The following RFX2 variants were observed in gnomAD, a reference collection of about 807,000 sequenced individuals.
RFX2 encodes regulatory factor X2.
Under a neutral mutation model 87.8 loss-of-function variants are expected in RFX2, and 20 were observed. That is an observed-to-expected ratio of 0.23 (90% confidence interval 0.16 to 0.33). The LOEUF (loss-of-function observed/expected upper bound fraction) is 0.33. Among genes scored for constraint, RFX2 ranks in the 10% least tolerant of loss-of-function variants. The pLI is 1.00. For synonymous variants in RFX2, 397 were observed against 431.3 expected, an observed-to-expected ratio of 0.92 and a Z score of 0.98; for missense variants, 767 against 1,012.3, an observed-to-expected ratio of 0.76 and a Z score of 3.29.
chr19:6,005,945 G>A (rs1197084069), intron 12 of RFX2, among the ~76,000 whole-genome samples: 3 of 152,198 alleles, frequency 2.0e-5, no homozygotes, highest in East Asian at 3.9e-4. Context: ...CCCGCACAGT[G>A]ACGGCTCCAG....
intron 1 of RFX2, among the ~76,000 whole-genome samples, chr19:6,070,422 G>T (rs2087590251): frequency 6.6e-6 from 1 of 152,014 alleles, no homozygotes; most frequent in South Asian, 2.1e-4. Flanking sequence ...TTCATCCATG[G>T]AATCCCTGTG....
Position 5,994,829 on chromosome 19 carries a change from G to C in RFX2, c.*6C>G. On this transcript the variant is annotated 3_prime_UTR_variant, in exon 18 of 18. Transcript: ENST00000303657. ...TGGAACCTCGAGGAGGCGCCGGCCG[G>C]GGCTGCTAGATGCCCTGCAGGGAGT... The C allele has an allele frequency of 6.3e-7, 1 of 1,595,684 alleles. No individual in the cohort carries two copies. Among genetic ancestry groups the C allele is most frequent in the African/African-American group, 1.3e-5 (1 of 74,754 alleles).
chr19:5,997,120 G>A lies in RFX2; in HGVS notation c.1953C>T (p.Tyr651=). ...CCTCCGCGACGCGGTGCTCCACCAGGTAGAACATGTACTCGTCGTAGAGCA... is the reference window on the plus strand; with the variant it reads ...CCTCCGCGACGCGGTGCTCCACCAGATAGAACATGTACTCGTCGTAGAGCA... ...IRLLYDEYMF[Y]LVEHRVAEAT... Residue 651 remains tyrosine (Y), a synonymous_variant, in exon 16 of 18, where the codon TAC becomes TAT. Transcript: ENST00000303657. This position sits in a 1 kb window ranked among gnomAD's most constrained non-coding sequence, Gnocchi z 4.2. The A allele has an allele frequency of 6.2e-7, 1 of 1,613,730 alleles. No individual in the cohort carries two copies. Among genetic ancestry groups the A allele is most frequent in the South Asian group, 1.1e-5 (1 of 91,090 alleles).
chr19:6,003,036 T>C (rs2086515601), intron 13 of RFX2, among the ~76,000 whole-genome samples, 166 bp from the exon 14 acceptor site: 1 of 152,098 alleles, frequency 6.6e-6, no homozygotes, highest in Admixed American at 6.5e-5. Flanking sequence ...GGACCCAGTG[T>C]GTGAGAATCA....
At chr19:6,069,801 A>G (rs1330732165) in intron 1 of RFX2, among the ~76,000 whole-genome samples, 2 of 152,222 alleles carry the variant, frequency 1.3e-5, no homozygotes, top group Non-Finnish European at 2.9e-5. Context: ...AACTGGAGAC[A>G]GGAGGACCAG....
Position 6,004,429 on chromosome 19 carries a change from C to T in RFX2, c.1403-131G>A, listed in dbSNP as rs114090653. On this transcript the variant is annotated intron_variant, in intron 12 of 17. Coordinates refer to ENST00000303657, the MANE Select transcript of RFX2 (RefSeq NM_000635.4). The surrounding 1 kb of genome is among the most constrained non-coding windows in gnomAD (Gnocchi z 4.8). ...CATGAAGAACGAGCCACACAGGCGA[C>T]GGGGAACCGAGGACACTTAGAAACG... 2,635 of 734,528 alleles carry T rather than the reference C, an allele frequency of 3.6e-3. 49 individuals are homozygous for T. In the African/African-American group the frequency reaches 0.038, roughly 11 times the overall value. 45.5% of individuals were successfully genotyped at this position (734,528 alleles called of 1,614,324 possible).
intron 5 of RFX2, among the ~76,000 whole-genome samples, chr19:6,031,849 C>T (rs1200113740): frequency 6.6e-6 from 1 of 152,056 alleles, no homozygotes; most frequent in Non-Finnish European, 1.5e-5. Flanking sequence ...GGTGGGGTCT[C>T]TCTCTGCTGC....
Position 6,012,913 on chromosome 19 carries a change from C to T in RFX2, c.899+73G>A, listed in dbSNP as rs773104309. 3.9e-5 allele frequency: 53 copies of T among 1,351,978 alleles called. No individual in the cohort carries two copies. Among genetic ancestry groups the T allele is most frequent in the South Asian group, 6.0e-5 (3 of 49,610 alleles). The allele number at this position is 1,351,978 out of a possible 1,614,324, so 83.7% of individuals were successfully genotyped here. On this transcript the variant is annotated intron_variant, in intron 8 of 17. Transcript: ENST00000303657. The surrounding 1 kb of genome is among the most constrained non-coding windows in gnomAD (Gnocchi z 4.6). Reference sequence around the variant, plus strand: ...CTGGGGAGTTATGATGAGTTTGTTTCGTGTTGGAGAAACACCCACCCCTCC... The same window carrying T: ...CTGGGGAGTTATGATGAGTTTGTTTTGTGTTGGAGAAACACCCACCCCTCC...
At chr19:6,019,267 C>G (rs1176111657) in intron 6 of RFX2, among the ~76,000 whole-genome samples, 2 of 152,182 alleles carry the variant, frequency 1.3e-5, no homozygotes, top group African/African-American at 2.4e-5. Context: ...CCTCACTTGC[C>G]TCTTTGGGAA....
At position 5,999,210 on chromosome 19, in the gene RFX2, C is replaced by T. The variant is rs764002864; in HGVS notation, c.1860-1997G>A. Among the ~76,000 whole-genome samples, 3 of 152,150 alleles carry T rather than the reference C, an allele frequency of 2.0e-5. No homozygotes were observed. Among genetic ancestry groups the T allele is most frequent in the Non-Finnish European group, 4.4e-5 (3 of 68,014 alleles). Reference sequence around the variant, plus strand: ...AGGGGAGGTTGCAGTGAGCCGAGATCGCACCATTGCACTCCAGCCTGGTGA... The same window carrying T: ...AGGGGAGGTTGCAGTGAGCCGAGATTGCACCATTGCACTCCAGCCTGGTGA... On this transcript the variant is annotated intron_variant, in intron 15 of 17. Transcript: ENST00000303657. The surrounding 1 kb of genome is among the most constrained non-coding windows in gnomAD (Gnocchi z 4.1).
chr19:6,057,867 C>T (rs773661193), intron 1 of RFX2, among the ~76,000 whole-genome samples: 36 of 152,156 alleles, frequency 2.4e-4, no homozygotes, highest in Non-Finnish European at 4.4e-4. Flanking sequence ...TTCCTTCTCC[C>T]GGCTCCCCTC....
chr19:6,097,365 C>T (rs1252873662), intron 1 of RFX2, among the ~76,000 whole-genome samples: 1 of 152,092 alleles, frequency 6.6e-6, no homozygotes, highest in Admixed American at 6.6e-5. Flanking sequence ...AGAGGGGAAG[C>T]AACTAAGGAG....
chr19:6,100,445 G>C (rs751835765), intron 1 of RFX2, among the ~76,000 whole-genome samples: 2 of 152,216 alleles, frequency 1.3e-5, no homozygotes, highest in Non-Finnish European at 2.9e-5. Flanking sequence ...TGTGCAAAGA[G>C]CCGCAGGGAG....
chr19:6,096,217 A>C (rs1050315160), intron 1 of RFX2, among the ~76,000 whole-genome samples: 2 of 152,226 alleles, frequency 1.3e-5, no homozygotes, highest in Non-Finnish European at 2.9e-5. Context: ...CCTCGAATTT[A>C]AAACATTTTC....
At chr19:6,076,653 C>T (rs550422524) in intron 1 of RFX2, among the ~76,000 whole-genome samples, 1 of 152,290 alleles carries the variant, frequency 6.6e-6, no homozygotes, top group East Asian at 1.9e-4. Context: ...CGGAAAATGC[C>T]CATAAATGTT....
chr19:6,104,829 G>A (rs1483503735), intron 1 of RFX2, among the ~76,000 whole-genome samples: 1 of 151,844 alleles, frequency 6.6e-6, no homozygotes, highest in Non-Finnish European at 1.5e-5. Context: ...CTCAGCCCTG[G>A]GGATATAGAA....
chr19:6,041,127 G>A (rs1265059530), intron 4 of RFX2, among the ~76,000 whole-genome samples: 1 of 152,108 alleles, frequency 6.6e-6, no homozygotes, highest in African/African-American at 2.4e-5. Context: ...TGAGTGCAGT[G>A]GCAAAATCAT....
At position 5,997,579 on chromosome 19, in the gene RFX2, TC is replaced by T. The variant is rs1402332331; in HGVS notation, c.1860-367del. 5.3e-5 allele frequency among the ~76,000 whole-genome samples: 8 copies of T among 152,312 alleles called. No homozygotes were observed. The highest frequency in any genetic ancestry group is 1.9e-4 in the African/African-American group (8 of 41,560). On this transcript the variant is annotated intron_variant, in intron 15 of 17. Transcript: ENST00000303657. The surrounding 1 kb of genome is among the most constrained non-coding windows in gnomAD (Gnocchi z 4.2). ...TTCTAGTGACATTTCGGACTCCGAATCAGAGCACAGGCTGGCAGCTGGTGCC... is the reference window on the plus strand; with the variant it reads ...TTCTAGTGACATTTCGGACTCCGAATAGAGCACAGGCTGGCAGCTGGTGCC...
chr19:6,100,431 G>T (rs2088101543), intron 1 of RFX2, among the ~76,000 whole-genome samples: 1 of 152,208 alleles, frequency 6.6e-6, no homozygotes, highest in African/African-American at 2.4e-5. Context: ...CAGAGCCCAA[G>T]GTCTGTGCAA....
Sources: gnomAD v4.1 joint callset for allele counts (sites outside exome capture counted in the v4.1 genomes callset) on GRCh38, gnomAD v4.1.1 for gene constraint, Gnocchi (gnomAD v3.1) non-coding constraint, MANE v1.5 for transcripts, NCBI Gene and HGNC (gene_info 2026-07-23, HGNC 2026-07-21) for gene names.